Variants in RCC1 observed in about 807,000 individuals in gnomAD.
The protein encoded by RCC1 is regulator of chromosome condensation 1.
A neutral mutation model predicts 44.4 loss-of-function variants in RCC1; 11 were observed. The observed-to-expected ratio is 0.25, with a 90% CI of 0.16 to 0.41. The LOEUF (loss-of-function observed/expected upper bound fraction) is 0.41. Among genes scored for constraint, RCC1 ranks in the 10% least tolerant of loss-of-function variants. RCC1 has a pLI of 1.00. For missense variants in RCC1, 386 were observed against 547.1 expected (o/e 0.71, Z 2.94); for synonymous variants, 213 against 216.5 (o/e 0.98, Z 0.14).
intron 3 of RCC1, among the ~76,000 whole-genome samples, chr1:28,515,529 C>T (rs1201403157): frequency 6.7e-6 from 1 of 149,434 alleles, no homozygotes; most frequent in African/African-American, 2.5e-5. Context: ...CCGGCCTGGC[C>T]AACATGGTGA....
chr1:28,518,442 C>T (rs568231004), intron 4 of RCC1: 1 of 151,470 alleles, frequency 6.6e-6, no homozygotes, highest in South Asian at 2.1e-4. Context: ...GCGCCGGCCC[C>T]ACGTGAAGCC....
intron 1 of RCC1, chr1:28,507,572 T>C (rs2124591948): frequency 3.9e-6 from 2 of 514,506 alleles, no homozygotes; most frequent in South Asian, 2.8e-5. Flanking sequence ...GGAAACAGCC[T>C]TCTAGAGCAC....
At chr1:28,517,308 A>ATAAGAGAC (rs1233746923) in intron 4 of RCC1, among the ~76,000 whole-genome samples, 5 of 152,220 alleles carry the variant, frequency 3.3e-5, no homozygotes, top group African/African-American at 1.2e-4. Flanking sequence ...ATGGGTGTTA[A>ATAAGAGAC]TAAGAGACAG....
At chr1:28,518,878 G>A (rs961454504) in intron 4 of RCC1, 1 of 152,300 alleles carries the variant, frequency 6.6e-6, no homozygotes, top group Non-Finnish European at 1.5e-5. Flanking sequence ...TCTCTTGCGG[G>A]GCTGGGGGAC....
intron 4 of RCC1, chr1:28,527,353 C>A: frequency 2.1e-6 from 1 of 475,098 alleles, no homozygotes; most frequent in East Asian, 4.3e-5. Flanking sequence ...CATCCTCCCA[C>A]CTCAGCCTCC....
In RCC1 at chr1:28,533,845, C is replaced by CTTTTTT. The variant is rs1168443435; in HGVS notation, c.442-1160_442-1155dup. Among the ~76,000 whole-genome samples, 47 of 46,848 alleles carry CTTTTTT rather than the reference C, an allele frequency of 1.0e-3. 3 individuals carry two copies. The highest frequency in any genetic ancestry group is 1.5e-3 in the Admixed American group (4 of 2,698). 30.7% of individuals were successfully genotyped at this position (46,848 alleles called of 152,430 possible). A position where few individuals can be genotyped will look rare whatever the true frequency, so the allele number is the denominator to read the frequency against. Reference sequence around the variant, plus strand: ...ATATTTTTTTCTTTTCTTTTCTTTTCTTTTTTTTTTTTTTTTTTTTTTTTT... The same window carrying CTTTTTT: ...ATATTTTTTTCTTTTCTTTTCTTTTCTTTTTTTTTTTTTTTTTTTTTTTTTTTTTTT... On this transcript the variant is annotated intron_variant, in intron 7 of 12. Transcript: ENST00000683442.
At chr1:28,513,188 C>T (rs1295507052) in intron 3 of RCC1, among the ~76,000 whole-genome samples, 1 of 151,988 alleles carries the variant, frequency 6.6e-6, no homozygotes, top group Non-Finnish European at 1.5e-5. Context: ...AGTCACGCAC[C>T]ACCACGCCCA....
chr1:28,530,762 G>T (rs139470044), intron 5 of RCC1: 218 of 592,638 alleles, frequency 3.7e-4, no homozygotes, highest in Non-Finnish European at 5.7e-4. Flanking sequence ...CCCCGGGCGC[G>T]CACCTCCCGC....
chr1:28,514,123 T>C, intron 3 of RCC1, among the ~76,000 whole-genome samples: 1 of 149,292 alleles, frequency 6.7e-6, no homozygotes, highest in Non-Finnish European at 1.5e-5. Flanking sequence ...GCTGAGATCG[T>C]GCCAGCCTAG....
At chr1:28,518,946 C>G (rs760519558) in intron 4 of RCC1, 1 of 152,316 alleles carries the variant, frequency 6.6e-6, no homozygotes, top group South Asian at 2.1e-4. Flanking sequence ...ACCCAGGCGA[C>G]GGACGCTACT....
intron 6 of RCC1, 45 bp downstream of exon 6, chr1:28,532,035 G>A: frequency 6.4e-7 from 1 of 1,555,230 alleles, no homozygotes; most frequent in African/African-American, 1.4e-5. Flanking sequence ...GCCTGGGGTT[G>A]GGTGGCTTGG....
chr1:28,521,501 GAA>G (rs71586849), intron 4 of RCC1, among the ~76,000 whole-genome samples: 5 of 56,814 alleles, frequency 8.8e-5, no homozygotes, highest in Non-Finnish European at 2.2e-4. Context: ...CTCCACCTCA[GAA>G]AAAAAAAAAA....
intron 7 of RCC1, among the ~76,000 whole-genome samples, chr1:28,534,604 G>A (rs142105893): frequency 5.3e-4 from 81 of 152,184 alleles, no homozygotes; most frequent in African/African-American, 1.6e-3. Flanking sequence ...CCTCAGCCTC[G>A]CAAGTAGCTG....
rs896694126 is a variant in RCC1, at chr1:28,508,979, A to G, written c.-153+74A>G. The stretch of plus-strand genomic sequence containing the variant: ...GACTTGGAGCAAAAGATTGAGGTGC[A>G]TTTCATGCCTCCTTTTGAGAGTCTT... On this transcript the variant is annotated intron_variant, in intron 3 of 12. Coordinates refer to ENST00000683442, the MANE Select transcript of RCC1 (RefSeq NM_001381865.2). 8.9e-6 allele frequency: 4 copies of G among 450,294 alleles called. No homozygotes were observed. In the Admixed American group the frequency reaches 1.0e-4, roughly 12 times the overall value. 27.9% of individuals were successfully genotyped at this position (450,294 alleles called of 1,614,324 possible). A position where few individuals can be genotyped will look rare whatever the true frequency, so the allele number is the denominator to read the frequency against.
intron 7 of RCC1, among the ~76,000 whole-genome samples, chr1:28,534,604 G>T (rs142105893): frequency 1.3e-5 from 2 of 152,066 alleles, no homozygotes; most frequent in Non-Finnish European, 2.9e-5. Context: ...CCTCAGCCTC[G>T]CAAGTAGCTG....
intron 3 of RCC1, among the ~76,000 whole-genome samples, chr1:28,514,869 C>T (rs1025997657): frequency 1.2e-4 from 18 of 151,834 alleles, no homozygotes; most frequent in Non-Finnish European, 2.5e-4. Context: ...AGCGAGACTC[C>T]GTCTCGAAAA....
intron 4 of RCC1, chr1:28,518,242 C>A (rs1379228395): frequency 6.6e-6 from 1 of 152,080 alleles, no homozygotes; most frequent in African/African-American, 2.4e-5. Context: ...CTGCAGAGCG[C>A]ATGCTCTGGG....
rs1557864480 is a variant in RCC1 at position 28,508,150 on chromosome 1, A to G, written c.-239A>G. On this transcript the variant is annotated 5_prime_UTR_variant, in exon 2 of 13. Transcript: ENST00000683442. ...CAGGATTTGTTAAGGATTCCAAGTA[A>G]CTCTTATTTGGTGAGTAAATCTGCT... The G allele has an allele frequency of 4.5e-6, 2 of 445,046 alleles. No individual in the cohort carries two copies. Among genetic ancestry groups the G allele is most frequent in the Middle Eastern group, 3.3e-4 (1 of 3,036 alleles). The allele number at this position is 445,046 out of a possible 1,614,324, so 27.6% of individuals were successfully genotyped here. A position where few individuals can be genotyped will look rare whatever the true frequency, so the allele number is the denominator to read the frequency against.
At chr1:28,527,148 G>T in intron 4 of RCC1, 2 of 1,272,518 alleles carry the variant, frequency 1.6e-6, no homozygotes, top group Non-Finnish European at 2.3e-6. Context: ...GAGGGCTGCA[G>T]TGGCAGAAAT....
Sources: gnomAD v4.1 joint callset for allele counts (sites outside exome capture counted in the v4.1 genomes callset) on GRCh38, gnomAD v4.1.1 for gene constraint, MANE v1.5 for transcripts, NCBI Gene and HGNC (gene_info 2026-07-23, HGNC 2026-07-21) for gene names.